GPATCH2L: variants seen among roughly 807,000 people sequenced by gnomAD.
The protein encoded by GPATCH2L is G-patch domain containing 2 like, also known as G patch domain-containing protein 2-like.
A neutral mutation model predicts 57.4 loss-of-function variants in GPATCH2L; 31 were observed. The observed-to-expected ratio is 0.54, with a 90% confidence interval of 0.41 to 0.73. The LOEUF (loss-of-function observed/expected upper bound fraction) is 0.73, where lower values mean the gene tolerates loss of function less well. Ranked by LOEUF, GPATCH2L falls within the 30% of genes least tolerant of loss-of-function variation. The probability of loss-of-function intolerance (pLI) is 0.00; values close to 1 mark genes in which losing one functional copy is unlikely to be tolerated. For missense variants in GPATCH2L, 481 were observed against 599.9 expected, an observed-to-expected ratio of 0.80 and a Z score of 2.07; for synonymous variants, 199 against 210.7, an observed-to-expected ratio of 0.94 and a Z score of 0.48.
intron 3 of GPATCH2L, among the ~76,000 whole-genome samples, chr14:76,168,448 T>G (rs1433537915): frequency 6.6e-6 from 1 of 152,338 alleles, no homozygotes; most frequent in East Asian, 1.9e-4. Flanking sequence ...TACTCATTTC[T>G]TGCTATGGGG....
rs757183266 is a variant in GPATCH2L at position 76,201,784 on chromosome 14, A to G, written c.1382A>G (p.Lys461Arg). The G allele has an allele frequency of 6.2e-7, 1 of 1,614,086 alleles. No homozygotes were observed. The highest frequency in any genetic ancestry group is 8.5e-7 in the Non-Finnish European group (1 of 1,179,940). Reference protein sequence around the residue: ...EWLVRTSAAEKATDATTATFF... With the variant: ...EWLVRTSAAERATDATTATFF... ...TTGGTGAGGACCTCTGCAGCAGAGA[A>G]AGCCACAGACGCAACTACTGCTACA... The change falls in exon 10 of 10, where the codon AAA (lysine) becomes AGA (arginine). Residue 461 changes from lysine (K) to arginine (R), a missense_variant. This residue lies in a region of GPATCH2L where 248 missense variants were observed against 270.5 expected (regional missense o/e 0.92). Coordinates refer to ENST00000261530, the MANE Select transcript of GPATCH2L (RefSeq NM_017926.4).
intron 8 of GPATCH2L, among the ~76,000 whole-genome samples, chr14:76,187,305 C>G (rs2039804019): frequency 6.6e-6 from 1 of 152,050 alleles, no homozygotes; most frequent in Non-Finnish European, 1.5e-5. Context: ...AATTGGCCTT[C>G]CTACTGTGTT....
chr14:76,153,103 G>A (rs2038131682), intron 1 of GPATCH2L: 1 of 247,990 alleles, frequency 4.0e-6, no homozygotes, highest in African/African-American at 2.3e-5. Context: ...TGCTCCTACA[G>A]GTGTGGCAGA....
At chr14:76,234,700 A>G (rs951346664) in intron 2 of GPATCH2L, 3 of 152,414 alleles carry the variant, frequency 2.0e-5, no homozygotes, top group Admixed American at 2.0e-4. Flanking sequence ...ATCTTTCCTC[A>G]GTTGAGCCTC....
chr14:76,152,926 G>T, intron 1 of GPATCH2L: 1 of 348,286 alleles, frequency 2.9e-6, no homozygotes, highest in African/African-American at 2.2e-5. Flanking sequence ...CTCAATCATG[G>T]CATTTTAATC....
chr14:76,217,691 C>T (rs982952344), downstream of GPATCH2L, among the ~76,000 whole-genome samples: 3 of 152,006 alleles, frequency 2.0e-5, no homozygotes, highest in Admixed American at 2.0e-4. Flanking sequence ...AGATTAAAGG[C>T]TAATACTCCT....
rs1566817574 is a variant in GPATCH2L at position 76,201,857 on chromosome 14, A to G, written c.*6A>G. 7 of 1,611,856 alleles carry G rather than the reference A, an allele frequency of 4.3e-6. No homozygotes were observed. The highest frequency in any genetic ancestry group is 1.7e-4 in the Middle Eastern group (1 of 6,058). On this transcript the variant is annotated 3_prime_UTR_variant, in exon 10 of 10. Transcript: ENST00000261530. ...AGAGCCCTGGATACAGCTAGAGAGC[A>G]GGACTTCACCCTCCAGGAGCTGACT...
rs1479609538 is a variant in GPATCH2L, at chr14:76,202,824, G to A, written c.*973G>A. ...TGTTTATGATGGCTCAGCTGCATGT[G>A]GAGTTATATATACAGTCGTGCCTGA... On this transcript the variant is annotated 3_prime_UTR_variant, in exon 10 of 10. Coordinates refer to ENST00000261530, the MANE Select transcript of GPATCH2L (RefSeq NM_017926.4). The A allele has an allele frequency of 1.3e-5, 2 of 152,602 alleles. No homozygotes were observed. Among genetic ancestry groups the A allele is most frequent in the African/African-American group, 2.4e-5 (1 of 41,436 alleles). 9.5% of individuals were successfully genotyped at this position (152,602 alleles called of 1,614,324 possible). A position where few individuals can be genotyped will look rare whatever the true frequency, so the allele number is the denominator to read the frequency against.
At chr14:76,173,079 T>C (rs541271664) in intron 4 of GPATCH2L, among the ~76,000 whole-genome samples, 1 of 152,318 alleles carries the variant, frequency 6.6e-6, no homozygotes, top group Admixed American at 6.5e-5. Context: ...AGTTGTTCTT[T>C]CCTTGTGTAG....
In GPATCH2L at chr14:76,154,913, T is replaced by C. The variant is rs765632272; in HGVS notation, c.550T>C (p.Leu184=). The part of the protein sequence containing the change: ...NTPWTSSGHG[L]CESAENRTFL... Reference sequence around the variant, plus strand: ...TCCCTGGACCTCATCAGGCCACGGATTGTGTGAATCAGCAGAAAATAGGAC... The same window carrying C: ...TCCCTGGACCTCATCAGGCCACGGACTGTGTGAATCAGCAGAAAATAGGAC... The change falls in exon 2 of 10, where the codon TTG becomes CTG. Residue 184 remains leucine (L), a synonymous_variant. Coordinates refer to ENST00000261530, the MANE Select transcript of GPATCH2L (RefSeq NM_017926.4). This position sits in a 1 kb window ranked among gnomAD's most constrained non-coding sequence, Gnocchi z 4.4. 14 of 1,613,904 alleles carry C rather than the reference T, an allele frequency of 8.7e-6. No individual in the cohort carries two copies. In the Admixed American group the frequency reaches 2.2e-4, roughly 25 times the overall value.
intron 1 of GPATCH2L, among the ~76,000 whole-genome samples, chr14:76,222,532 G>C (rs2040519843): frequency 1.3e-5 from 2 of 152,230 alleles, no homozygotes; most frequent in South Asian, 4.2e-4. Context: ...ACCTGAGCCA[G>C]GGAGGTCAAG....
At chr14:76,197,846 A>G (rs2040203041) in intron 9 of GPATCH2L, among the ~76,000 whole-genome samples, 1 of 152,220 alleles carries the variant, frequency 6.6e-6, no homozygotes, top group Admixed American at 6.5e-5. Flanking sequence ...GATTTTCCTA[A>G]AAGAATAAAT....
At position 76,154,840 on chromosome 14, in the gene GPATCH2L, G is replaced by A. The variant is rs756975330; in HGVS notation, c.477G>A (p.Arg159=). Reference sequence around the variant, plus strand: ...ATTGGAGCTATGAGAGAGGCTGCAGGTTCAAGTCTGCTAAGAAGCAGCGTC... The same window carrying A: ...ATTGGAGCTATGAGAGAGGCTGCAGATTCAAGTCTGCTAAGAAGCAGCGTC... ...VSDWSYERGC[R]FKSAKKQRLS... The change falls in exon 2 of 10, where the codon AGG becomes AGA. Residue 159 remains arginine (R), a synonymous_variant. Coordinates refer to ENST00000261530, the MANE Select transcript of GPATCH2L (RefSeq NM_017926.4). The surrounding 1 kb of genome is among the most constrained non-coding windows in gnomAD (Gnocchi z 4.4). 8.7e-6 allele frequency: 14 copies of A among 1,614,104 alleles called. No individual in the cohort carries two copies. The highest frequency in any genetic ancestry group is 1.6e-4 in the Middle Eastern group (1 of 6,084).
intron 2 of GPATCH2L, among the ~76,000 whole-genome samples, chr14:76,159,351 C>G (rs2038462577): frequency 1.3e-5 from 2 of 152,212 alleles, no homozygotes; most frequent in Admixed American, 1.3e-4. Flanking sequence ...ATGATATTCC[C>G]TTTTCTCTTA....
At chr14:76,219,673 G>T (rs923633900) in intron 1 of GPATCH2L, among the ~76,000 whole-genome samples, 8 of 152,130 alleles carry the variant, frequency 5.3e-5, no homozygotes, top group African/African-American at 1.2e-4. Flanking sequence ...TGCAATCCAG[G>T]TCATACATAC....
At chr14:76,179,065 T>TG (rs1378747937) in intron 7 of GPATCH2L, 5 of 150,788 alleles carry the variant, frequency 3.3e-5, no homozygotes, top group African/African-American at 7.3e-5. Flanking sequence ...GTTTTTTTGT[T>TG]TTTTTTTTTT....
chr14:76,177,053 T>C (rs1227495650), intron 6 of GPATCH2L, among the ~76,000 whole-genome samples: 1 of 152,098 alleles, frequency 6.6e-6, no homozygotes. Flanking sequence ...TAGGGAAATA[T>C]CTGTTTTTTT....
chr14:76,228,452 C>T (rs551946995), intron 1 of GPATCH2L, among the ~76,000 whole-genome samples: 7 of 152,258 alleles, frequency 4.6e-5, no homozygotes, highest in African/African-American at 7.2e-5. Context: ...TGTAACTTTC[C>T]GCATTGTGCC....
Position 76,166,683 on chromosome 14 carries a change from G to T in GPATCH2L, c.683G>T (p.Ser228Ile), listed in dbSNP as rs1205689588. ...MSECETSSVC[S>I]SSDTGLFTND... ...TACAGTGAAACCAGCAGTGTGTGTA[G>T]CAGCAGTGACACTGGGCTCTTTACC... Residue 228 changes from serine to isoleucine, a missense_variant, in exon 3 of 10, where the codon AGC becomes ATC. Ser to Ile is a moderately radical substitution (Grantham distance 142). Coordinates refer to ENST00000261530, the MANE Select transcript of GPATCH2L (RefSeq NM_017926.4). The T allele has an allele frequency of 6.2e-7, 1 of 1,610,432 alleles. No homozygotes were observed. The highest frequency in any genetic ancestry group is 1.1e-5 in the South Asian group (1 of 90,988).
Sources: gnomAD v4.1 joint callset for allele counts (sites outside exome capture counted in the v4.1 genomes callset) on GRCh38, gnomAD v4.1.1 for gene constraint, gnomAD v4.1.1 regional missense constraint, Gnocchi (gnomAD v3.1) non-coding constraint, MANE v1.5 for transcripts, NCBI Gene and HGNC (gene_info 2026-07-23, HGNC 2026-07-21) for gene names.